TYW1B: variants seen among roughly 807,000 people sequenced by gnomAD.
TYW1B encodes the protein S-adenosyl-L-methionine-dependent tRNA 4-demethylwyosine synthase TYW1B.
Under a neutral mutation model 86.9 loss-of-function variants are expected in TYW1B, and 73 were observed. The observed-to-expected ratio is 0.84, with a 90% CI of 0.70 to 1.02. TYW1B has a LOEUF of 1.02. TYW1B is among the 50% of genes least tolerant of loss of function. The pLI, the probability that TYW1B is intolerant of heterozygous loss-of-function variation, is 0.00. For synonymous variants in TYW1B, 248 were observed against 292.8 expected (o/e 0.85, Z 1.56); for missense variants, 637 against 827.4 (o/e 0.77, Z 2.82).
rs1418693312 is a variant in TYW1B at position 72,729,030 on chromosome 7, A to C, written c.1083-99T>G. 7.8e-6 allele frequency: 9 copies of C among 1,159,576 alleles called. No homozygotes were observed. In the African/African-American group the frequency reaches 7.8e-5, roughly 10 times the overall value. 71.8% of individuals were successfully genotyped at this position (1,159,576 alleles called of 1,614,324 possible). ...TCCATTTTTAAAAAATCACAAAATCAGGACTGGTTTCCTCCTCAGAGTTCA... is the reference window on the plus strand; with the variant it reads ...TCCATTTTTAAAAAATCACAAAATCCGGACTGGTTTCCTCCTCAGAGTTCA... On this transcript the variant is annotated intron_variant, in intron 8 of 13. Transcript: ENST00000620995.
At chr7:72,606,436 A>G (rs1340977037) in intron 13 of TYW1B, among the ~76,000 whole-genome samples, 1 of 151,996 alleles carries the variant, frequency 6.6e-6, no homozygotes, top group Non-Finnish European at 1.5e-5. Flanking sequence ...GTGAGTGGGG[A>G]ATCCTGCCCT....
At chr7:72,762,678 T>C (rs1221399217) in intron 7 of TYW1B, among the ~76,000 whole-genome samples, 3 of 152,052 alleles carry the variant, frequency 2.0e-5, no homozygotes, top group Non-Finnish European at 4.4e-5. Context: ...TTTTTCTTTT[T>C]AGACAGTGTC....
At chr7:72,593,545 A>G (rs1432939028) in intron 13 of TYW1B, among the ~76,000 whole-genome samples, 5 of 151,956 alleles carry the variant, frequency 3.3e-5, no homozygotes, top group African/African-American at 1.2e-4. Flanking sequence ...AAACGAGGCC[A>G]GGCGTGGTTG....
intron 7 of TYW1B, among the ~76,000 whole-genome samples, chr7:72,754,845 A>G (rs2129571562): frequency 6.6e-6 from 1 of 152,318 alleles, no homozygotes; most frequent in African/African-American, 2.4e-5. Flanking sequence ...TTGTACAGAA[A>G]TACATAATAT....
At chr7:72,687,167 G>T (rs1814026736) in intron 11 of TYW1B, among the ~76,000 whole-genome samples, 2 of 152,228 alleles carry the variant, frequency 1.3e-5, no homozygotes, top group African/African-American at 4.8e-5. Context: ...CAGGCACAGT[G>T]GCTCACGCCT....
At chr7:72,632,073 G>A (rs1554439850) in intron 11 of TYW1B, among the ~76,000 whole-genome samples, 2 of 151,322 alleles carry the variant, frequency 1.3e-5, no homozygotes, top group African/African-American at 4.9e-5. Context: ...AAGATGGGAG[G>A]ATTACTTGAG....
chr7:72,693,773 C>T (rs1375675777), intron 11 of TYW1B, among the ~76,000 whole-genome samples: 3 of 151,800 alleles, frequency 2.0e-5, no homozygotes, highest in Non-Finnish European at 4.4e-5. Flanking sequence ...ATTCAACCAA[C>T]CATGGATGAA....
At chr7:72,725,439 T>C (rs1175466720) in intron 9 of TYW1B, among the ~76,000 whole-genome samples, 3 of 152,150 alleles carry the variant, frequency 2.0e-5, no homozygotes, top group African/African-American at 7.2e-5. Flanking sequence ...AAAAATCAAC[T>C]TCACATAAAA....
chr7:72,585,947 T>C (rs1303114046), intron 13 of TYW1B, among the ~76,000 whole-genome samples: 2 of 152,154 alleles, frequency 1.3e-5, no homozygotes, highest in African/African-American at 4.8e-5. Context: ...GCTACTCCCA[T>C]ATTGCAGTTA....
At chr7:72,780,987 GAAAT>G in intron 6 of TYW1B, among the ~76,000 whole-genome samples, 1 of 151,734 alleles carries the variant, frequency 6.6e-6, no homozygotes, top group East Asian at 1.9e-4. Flanking sequence ...GGCCTAAACA[GAAAT>G]AAATAAGATC....
At chr7:72,821,555 T>C (rs1788827641) in intron 2 of TYW1B, among the ~76,000 whole-genome samples, 1 of 152,246 alleles carries the variant, frequency 6.6e-6, no homozygotes, top group Non-Finnish European at 1.5e-5. Flanking sequence ...CATTGCAATG[T>C]ACGTGCTATT....
At chr7:72,713,474 G>C in intron 10 of TYW1B, 147 bp downstream of exon 10, 1 of 758,634 alleles carries the variant, frequency 1.3e-6, no homozygotes, top group South Asian at 2.2e-5. Flanking sequence ...ATTTTGAAGA[G>C]CAGGACCATC....
intron 11 of TYW1B, among the ~76,000 whole-genome samples, chr7:72,641,877 A>T (rs1236914954): frequency 6.6e-6 from 1 of 152,222 alleles, no homozygotes; most frequent in South Asian, 2.1e-4. Flanking sequence ...AGGCTTTAAA[A>T]GCTGATCCCA....
chr7:72,576,536 G>A (rs1345341764), intron 13 of TYW1B, among the ~76,000 whole-genome samples: 11 of 141,528 alleles, frequency 7.8e-5, no homozygotes, highest in Admixed American at 4.4e-4. Flanking sequence ...TTTTTGAGAC[G>A]GAGTCTCGCT....
chr7:72,576,509 C>A (rs1289192675), intron 13 of TYW1B, among the ~76,000 whole-genome samples: 2 of 120,100 alleles, frequency 1.7e-5, no homozygotes, highest in Non-Finnish European at 3.3e-5. Context: ...ATGCCACTGT[C>A]TTTTTTTTTT....
intron 13 of TYW1B, among the ~76,000 whole-genome samples, chr7:72,610,051 A>G (rs1811897663): frequency 6.6e-6 from 1 of 152,148 alleles, no homozygotes; most frequent in Admixed American, 6.5e-5. Context: ...AGCTTGAGAT[A>G]GTTCCCAGTT....
chr7:72,821,731 T>C (rs1788830795), intron 2 of TYW1B, among the ~76,000 whole-genome samples: 1 of 152,116 alleles, frequency 6.6e-6, no homozygotes, highest in African/African-American at 2.4e-5. Flanking sequence ...ATGGGTTGTA[T>C]AAAAAGAAGT....
chr7:72,642,937 C>T (rs766931206), intron 11 of TYW1B, among the ~76,000 whole-genome samples: 7 of 152,082 alleles, frequency 4.6e-5, no homozygotes, highest in East Asian at 1.9e-4. Flanking sequence ...TGCTATAACA[C>T]GCGCTAACTT....
At chr7:72,582,540 C>T (rs797027010) in intron 13 of TYW1B, among the ~76,000 whole-genome samples, 21 of 152,232 alleles carry the variant, frequency 1.4e-4, no homozygotes, top group Middle Eastern at 3.4e-3. Flanking sequence ...TTTTACATGC[C>T]AGTTTCTTAG....
Sources: allele counts gnomAD v4.1 joint callset (sites outside exome capture counted in the v4.1 genomes callset), GRCh38; gene constraint gnomAD v4.1.1; transcripts MANE v1.5; gene names NCBI Gene and HGNC (gene_info 2026-07-23, HGNC 2026-07-21).